The following PIGK variants were observed in gnomAD, a reference collection of about 807,000 sequenced individuals.
The protein encoded by PIGK is GPI-anchor transamidase.
PIGK carries 42 observed loss-of-function variants against 50.6 expected under a neutral mutation model. That is an observed-to-expected ratio of 0.83 (90% CI 0.65 to 1.07). The LOEUF is 1.07. PIGK is among the 50% of genes least tolerant of loss of function. PIGK has a pLI of 0.00. For synonymous variants in PIGK, 151 were observed against 156.0 expected (o/e 0.97, Z 0.24); for missense variants, 448 against 488.7 (o/e 0.92, Z 0.78).
intron 10 of PIGK, among the ~76,000 whole-genome samples, chr1:77,103,746 G>A (rs1355011221): frequency 1.3e-5 from 2 of 152,196 alleles, no homozygotes; most frequent in Non-Finnish European, 2.9e-5. Context: ...TAGAAGAGGA[G>A]GGAGCTGCAC....
chr1:77,091,813 C>G lies in PIGK; in HGVS notation c.*561G>C, dbSNP rs1369598527. 6.6e-6 allele frequency: 1 copy of G among 151,948 alleles called. No homozygotes were observed. Among genetic ancestry groups the G allele is most frequent in the African/African-American group, 2.4e-5 (1 of 41,348 alleles). The allele number at this position is 151,948 out of a possible 1,614,324, so 9.4% of individuals were successfully genotyped here. A position where few individuals can be genotyped will look rare whatever the true frequency, so the allele number is the denominator to read the frequency against. ...AACATTTGGTACAATGTAAGTGGTC[C>G]AACAATAGAAGACTGTGAAATGAAT... On this transcript the variant is annotated 3_prime_UTR_variant, in exon 11 of 11. Transcript: ENST00000370812.
chr1:77,115,813 A>G (rs1439934016), intron 10 of PIGK, among the ~76,000 whole-genome samples: 1 of 152,206 alleles, frequency 6.6e-6, no homozygotes, highest in Non-Finnish European at 1.5e-5. Flanking sequence ...ATCTTAAAAA[A>G]AGAGAATAGT....
At chr1:77,176,780 A>G (rs536801827) in intron 3 of PIGK, among the ~76,000 whole-genome samples, 16 of 152,342 alleles carry the variant, frequency 1.1e-4, no homozygotes, top group South Asian at 8.3e-4. Context: ...TCAAGATGAC[A>G]TAAGTCCAAT....
At chr1:77,195,502 C>A in intron 3 of PIGK, 1 of 634,898 alleles carries the variant, frequency 1.6e-6, no homozygotes, top group Non-Finnish European at 2.5e-6. Flanking sequence ...AAATGGCACA[C>A]AGTTTTACGG....
chr1:77,185,065 C>T (rs750832607), intron 3 of PIGK, among the ~76,000 whole-genome samples: 11 of 152,142 alleles, frequency 7.2e-5, no homozygotes, highest in South Asian at 2.1e-4. Context: ...CTGCTGTTCC[C>T]GATGTGGTTT....
chr1:77,171,415 C>A lies in PIGK; in HGVS notation c.240-2020G>T, dbSNP rs1161512773. Among the ~76,000 whole-genome samples, 7 of 81,740 alleles carry A rather than the reference C, an allele frequency of 8.6e-5. No homozygotes were observed. In the Admixed American group the frequency reaches 1.2e-3, roughly 14 times the overall value. The allele number at this position is 81,740 out of a possible 152,430, so 53.6% of individuals were successfully genotyped here. The stretch of plus-strand genomic sequence containing the variant: ...TCGCGTCACTGCACTCCAGCCTGGG[C>A]AACAGAGCAAGACTCCACCTCAAAA... On this transcript the variant is annotated intron_variant, in intron 3 of 10. Coordinates refer to ENST00000370812, the MANE Select transcript of PIGK (RefSeq NM_005482.3).
At chr1:77,212,553 T>C (rs1656444008) in intron 1 of PIGK, among the ~76,000 whole-genome samples, 1 of 152,190 alleles carries the variant, frequency 6.6e-6, no homozygotes, top group Non-Finnish European at 1.5e-5. Context: ...GTATTGTATA[T>C]GCTGCCTACA....
intron 1 of PIGK, among the ~76,000 whole-genome samples, chr1:77,214,890 T>C (rs978834503): frequency 2.0e-5 from 3 of 151,984 alleles, no homozygotes; most frequent in African/African-American, 7.2e-5. Flanking sequence ...AGGAATGCAA[T>C]CCCACTTACA....
chr1:77,145,404 A>G (rs1654746549), intron 9 of PIGK, among the ~76,000 whole-genome samples: 1 of 152,100 alleles, frequency 6.6e-6, no homozygotes, highest in African/African-American at 2.4e-5. Flanking sequence ...AACAGTCAAT[A>G]TAAAATCAAT....
chr1:77,137,102 G>A (rs1176128144), intron 9 of PIGK, among the ~76,000 whole-genome samples: 1 of 152,140 alleles, frequency 6.6e-6, no homozygotes, highest in Non-Finnish European at 1.5e-5. Context: ...AAGAATAACA[G>A]GGCTCCAGTT....
intron 10 of PIGK, among the ~76,000 whole-genome samples, chr1:77,100,701 A>G (rs138869942): frequency 6.6e-6 from 1 of 152,236 alleles, no homozygotes; most frequent in East Asian, 1.9e-4. Flanking sequence ...TGGGCCCTTT[A>G]AAAGGAGGTC....
chr1:77,195,453 A>G, intron 3 of PIGK: 2 of 935,044 alleles, frequency 2.1e-6, no homozygotes, highest in Admixed American at 4.9e-5. Context: ...TGGTCAATAA[A>G]ATAGTTTGAC....
chr1:77,200,468 G>T (rs1055354997), intron 3 of PIGK, among the ~76,000 whole-genome samples: 2 of 151,842 alleles, frequency 1.3e-5, no homozygotes, highest in African/African-American at 2.4e-5. Context: ...ATTTAATAAG[G>T]TATTTAATGA....
chr1:77,149,639 T>C (rs965483730), intron 9 of PIGK, among the ~76,000 whole-genome samples: 4 of 152,074 alleles, frequency 2.6e-5, no homozygotes, highest in Non-Finnish European at 4.4e-5. Context: ...CAAACTGTAA[T>C]ACAATAATAG....
chr1:77,154,911 ACT>A (rs1654976071), intron 8 of PIGK, among the ~76,000 whole-genome samples: 1 of 152,102 alleles, frequency 6.6e-6, no homozygotes. Context: ...TGAACCCTTA[ACT>A]CTGAGAACTC....
chr1:77,123,394 AATC>A (rs1451118955), intron 9 of PIGK, among the ~76,000 whole-genome samples: 1 of 152,198 alleles, frequency 6.6e-6, no homozygotes, highest in Non-Finnish European at 1.5e-5. Flanking sequence ...AGAACTCTAG[AATC>A]TCTCCCATGA....
Position 77,106,957 on chromosome 1 carries a change from C to T in PIGK, c.1072-14467G>A, listed in dbSNP as rs569760602. On this transcript the variant is annotated intron_variant, in intron 10 of 10. Coordinates refer to ENST00000370812, the MANE Select transcript of PIGK (RefSeq NM_005482.3). ...ATATCCCCTTTATCATTTTTTATTG[C>T]GTCTATTTGATTCTTCTCTCTTTTC... Among the ~76,000 whole-genome samples, 15 of 150,822 alleles carry T rather than the reference C, an allele frequency of 9.9e-5. 1 individual carries two copies. The highest frequency in any genetic ancestry group is 2.5e-4 in the African/African-American group (10 of 40,718).
At chr1:77,136,295 C>T (rs1023694251) in intron 9 of PIGK, among the ~76,000 whole-genome samples, 3 of 151,912 alleles carry the variant, frequency 2.0e-5, no homozygotes, top group Non-Finnish European at 4.4e-5. Context: ...TTTGGGAGGC[C>T]GAGGCGGGCG....
At chr1:77,182,303 G>C (rs896119192) in intron 3 of PIGK, among the ~76,000 whole-genome samples, 14 of 152,212 alleles carry the variant, frequency 9.2e-5, no homozygotes, top group Admixed American at 9.2e-4. Context: ...AGGGGAGAAA[G>C]ATGTAGTATT....
Sources: allele counts gnomAD v4.1 joint callset (sites outside exome capture counted in the v4.1 genomes callset), GRCh38; gene constraint gnomAD v4.1.1; transcripts MANE v1.5; gene names NCBI Gene and HGNC (gene_info 2026-07-23, HGNC 2026-07-21).